GPHN: variants seen among roughly 807,000 people sequenced by gnomAD.
GPHN encodes gephyrin.
A neutral mutation model predicts 95.5 loss-of-function variants in GPHN; 17 were observed. The ratio of observed to expected loss-of-function variants is 0.18; its 90% CI spans 0.12 to 0.27. GPHN has a LOEUF of 0.27. GPHN is among the 10% of genes least tolerant of loss of function. The pLI is 1.00. For missense variants in GPHN, 660 were observed against 978.1 expected (o/e 0.67, Z 4.34); for synonymous variants, 320 against 322.5 (o/e 0.99, Z 0.08).
chr14:66,645,132 A>G (rs2064662164), intron 1 of GPHN, among the ~76,000 whole-genome samples: 1 of 152,114 alleles, frequency 6.6e-6, no homozygotes, highest in African/African-American at 2.4e-5. Flanking sequence ...TGTAATTTTT[A>G]ATTGCTTCTT....
intron 1 of GPHN, among the ~76,000 whole-genome samples, chr14:66,522,454 G>C (rs2058521127): frequency 1.3e-5 from 2 of 152,156 alleles, no homozygotes; most frequent in African/African-American, 4.8e-5. Context: ...CCTCCATTTG[G>C]AGATTCACAG....
the GPHN span, chr14:67,726,053 G>C: frequency 6.2e-7 from 1 of 1,611,840 alleles, no homozygotes; most frequent in Non-Finnish European, 8.5e-7. Flanking sequence ...CCCTATAGAG[G>C]AAAAGCAGCT....
the GPHN span, among the ~76,000 whole-genome samples, chr14:67,253,825 T>C: frequency 6.6e-6 from 1 of 150,426 alleles, no homozygotes; most frequent in Non-Finnish European, 1.5e-5. Flanking sequence ...TGGGCAACAG[T>C]GAGACCCTGT....
chr14:66,508,772 C>A (rs190529920), intron 1 of GPHN, among the ~76,000 whole-genome samples, 181 bp downstream of exon 1: 8 of 152,278 alleles, frequency 5.3e-5, no homozygotes, highest in Admixed American at 3.3e-4. Context: ...CCCGCGGGTC[C>A]CCTCCCCCAG....
chr14:66,685,959 A>C (rs1445343831), intron 2 of GPHN, among the ~76,000 whole-genome samples: 19 of 151,760 alleles, frequency 1.3e-4, no homozygotes, highest in African/African-American at 4.9e-5. Flanking sequence ...TCAGCTTTCT[A>C]CATTTGGCTA....
chr14:66,783,412 C>T (rs1404717838), intron 3 of GPHN, among the ~76,000 whole-genome samples: 2 of 152,146 alleles, frequency 1.3e-5, no homozygotes, highest in African/African-American at 4.8e-5. Flanking sequence ...CCAGTGGAAA[C>T]AAGCTGTGCT....
the GPHN span, chr14:67,562,595 C>T: frequency 7.4e-5 from 120 of 1,612,634 alleles, no homozygotes; most frequent in Non-Finnish European, 9.4e-5. Context: ...TGGCACCCCG[C>T]GGGACAGCAT....
the GPHN span, among the ~76,000 whole-genome samples, chr14:67,507,225 T>C: frequency 6.6e-6 from 1 of 152,084 alleles, no homozygotes; most frequent in Non-Finnish European, 1.5e-5. Flanking sequence ...GTGGTGCAAC[T>C]ACAGTCCTAG....
At chr14:67,476,650 A>AT in the GPHN span, among the ~76,000 whole-genome samples, 1 of 152,128 alleles carries the variant, frequency 6.6e-6, no homozygotes, top group East Asian at 1.9e-4. Flanking sequence ...TTTTACTCCC[A>AT]TTTTTTTGCA....
At chr14:66,796,644 C>A (rs1469963752) in intron 3 of GPHN, among the ~76,000 whole-genome samples, 1 of 151,760 alleles carries the variant, frequency 6.6e-6, no homozygotes, top group African/African-American at 2.4e-5. Flanking sequence ...CCATTTATAT[C>A]AAATATTTTG....
At chr14:66,546,638 G>A (rs924238581) in intron 1 of GPHN, among the ~76,000 whole-genome samples, 5 of 152,080 alleles carry the variant, frequency 3.3e-5, no homozygotes, top group East Asian at 1.9e-4. Context: ...CAGGCGTGGC[G>A]GCGCGTGCCT....
At chr14:66,915,253 T>TA (rs545951134) in intron 5 of GPHN, among the ~76,000 whole-genome samples, 1 of 152,158 alleles carries the variant, frequency 6.6e-6, no homozygotes, top group South Asian at 2.1e-4. Flanking sequence ...AAAAATAGCA[T>TA]AATCTCTTTG....
the GPHN span, among the ~76,000 whole-genome samples, chr14:67,262,609 C>T: frequency 6.6e-6 from 1 of 152,176 alleles, no homozygotes; most frequent in Non-Finnish European, 1.5e-5. Flanking sequence ...ACTCCACTTA[C>T]ATTTTACCCT....
chr14:67,317,312 A>C, the GPHN span: 5 of 1,129,398 alleles, frequency 4.4e-6, no homozygotes, highest in Admixed American at 1.2e-4. Context: ...AAAAATTTAA[A>C]GAATAAATGA....
intron 4 of GPHN, among the ~76,000 whole-genome samples, chr14:66,826,840 TCA>T (rs1044067455): frequency 2.0e-5 from 3 of 152,126 alleles, no homozygotes; most frequent in Non-Finnish European, 4.4e-5. Context: ...TTTATGGAGC[TCA>T]GTCTCCAACC....
At chr14:67,388,380 C>T in the GPHN span, 1 of 864,446 alleles carries the variant, frequency 1.2e-6, no homozygotes, top group Non-Finnish European at 2.0e-6. Context: ...ACAACTCAGG[C>T]CAGCTAAAGA....
At chr14:66,893,131 T>A (rs1293426889) in intron 5 of GPHN, among the ~76,000 whole-genome samples, 1 of 152,220 alleles carries the variant, frequency 6.6e-6, no homozygotes, top group East Asian at 1.9e-4. Flanking sequence ...TATATTTTCC[T>A]AAATATCATA....
At chr14:66,605,822 G>A (rs569144683) in intron 1 of GPHN, among the ~76,000 whole-genome samples, 108 of 152,004 alleles carry the variant, frequency 7.1e-4, no homozygotes, top group African/African-American at 2.4e-3. Flanking sequence ...GTGAGCCACC[G>A]CACCTGGCCC....
intron 1 of GPHN, among the ~76,000 whole-genome samples, chr14:66,520,906 T>A (rs2058456042): frequency 6.6e-6 from 1 of 152,026 alleles, no homozygotes; most frequent in Admixed American, 6.6e-5. Context: ...CCCTTCTTTG[T>A]GTCCATGAGT....
Sources: allele counts gnomAD v4.1 joint callset (sites outside exome capture counted in the v4.1 genomes callset), GRCh38; gene constraint gnomAD v4.1.1; transcripts MANE v1.5; gene names NCBI Gene and HGNC (gene_info 2026-07-23, HGNC 2026-07-21).